The following ARL6IP4 variants were observed in gnomAD, a reference collection of about 807,000 sequenced individuals.
The protein encoded by ARL6IP4 is ARF like GTPase 6 interacting protein 4, also known as ADP-ribosylation factor-like protein 6-interacting protein 4.
ARL6IP4 carries 24 observed loss-of-function variants against 28.1 expected under a neutral mutation model. The ratio of observed to expected loss-of-function variants is 0.86; its 90% CI spans 0.62 to 1.20. The LOEUF (loss-of-function observed/expected upper bound fraction) is 1.20, where lower values mean the gene tolerates loss of function less well. ARL6IP4 is among the 50% of genes most tolerant of loss of function. The pLI is 0.00. For synonymous variants in ARL6IP4, 162 were observed against 122.3 expected, an observed-to-expected ratio of 1.32 and a Z score of -2.14; for missense variants, 343 against 302.4, an observed-to-expected ratio of 1.13 and a Z score of -1.00.
At chr12:122,982,565 C>T (rs762283391) in intron 5 of ARL6IP4, 27 bp downstream of exon 5, 1 of 1,614,082 alleles carries the variant, frequency 6.2e-7, no homozygotes, top group Non-Finnish European at 8.5e-7. Context: ...TGCCTGCCAT[C>T]CGCCCCCAGC....
intron 4 of ARL6IP4, 114 bp from the exon 5 acceptor site, chr12:122,982,355 C>G: frequency 9.2e-7 from 1 of 1,091,618 alleles, no homozygotes; most frequent in Non-Finnish European, 1.3e-6. Context: ...TCTGTCCACT[C>G]AAGGCTGCGG....
chr12:122,981,665 C>T lies in ARL6IP4; in HGVS notation c.255C>T (p.Ser85=). The change falls in exon 3 of 6, where the codon AGC becomes AGT. Residue 85 remains serine (S), a synonymous_variant. Coordinates refer to ENST00000315580, the MANE Select transcript of ARL6IP4 (RefSeq NM_018694.4). The part of the protein sequence containing the change: ...SSSSSSSSSS[S]SSSSSSSSSS... ...CCTCCTCTTCTTCCAGTTCTTCTAG[C>T]TCCTCTTCTTCCTCCTCGTCCTCCT... 2 of 1,555,666 alleles carry T rather than the reference C, an allele frequency of 1.3e-6. No homozygotes were observed. The highest frequency in any genetic ancestry group is 1.7e-6 in the Non-Finnish European group (2 of 1,149,696).
upstream of ARL6IP4, chr12:122,980,670 C>T (rs1276043312): frequency 9.6e-6 from 13 of 1,358,606 alleles, no homozygotes; most frequent in Non-Finnish European, 8.5e-6. Context: ...CGCAGCGCCC[C>T]GGCCGGAAGC....
Position 122,981,192 on chromosome 12 carries a change from G to C in ARL6IP4, c.53G>C (p.Gly18Ala). 1 of 1,549,894 alleles carries C rather than the reference G, an allele frequency of 6.5e-7. No individual in the cohort carries two copies. The highest frequency in any genetic ancestry group is 8.7e-7 in the Non-Finnish European group (1 of 1,146,740). The change falls in exon 2 of 6, where the codon GGA becomes GCA. Residue 18 changes from glycine (G) to alanine (A), a missense_variant. Transcript: ENST00000315580. ...KRSRSRSRSR[G>A]RGSEKRKKKS... is the part of the protein sequence containing the mutation. ...TCGAGGAGTCGCAGCCGGTCCCGGG[G>C]ACGGGGGTCGGAAAAGAGAAAGAAG... is the stretch of plus-strand genomic sequence containing the variant.
Position 122,981,504 on chromosome 12 carries a change from C to G in ARL6IP4, c.161-67C>G, listed in dbSNP as rs548274161. 5.6e-6 allele frequency: 8 copies of G among 1,440,486 alleles called. No homozygotes were observed. The East Asian group carries it at 1.2e-4, about 22-fold the overall frequency. The allele number at this position is 1,440,486 out of a possible 1,614,324, so 89.2% of individuals were successfully genotyped here. Reference sequence around the variant, plus strand: ...CCTCAGGAAGCGCTCACCCTGTAGCCGGTCTGTGCCTGCCCCAGGCCAGAG... The same window carrying G: ...CCTCAGGAAGCGCTCACCCTGTAGCGGGTCTGTGCCTGCCCCAGGCCAGAG... On this transcript the variant is annotated intron_variant, in intron 2 of 5. Coordinates refer to ENST00000315580, the MANE Select transcript of ARL6IP4 (RefSeq NM_018694.4).
chr12:122,981,516 GC>G, intron 2 of ARL6IP4, 54 bp from the exon 3 acceptor site: 2 of 1,466,658 alleles, frequency 1.4e-6, no homozygotes, highest in East Asian at 2.4e-5. Flanking sequence ...GTCTGTGCCT[GC>G]CCCAGGCCAG....
intron 1 of ARL6IP4, 48 bp downstream of exon 1, chr12:122,980,793 G>A (rs2037609907): frequency 7.7e-7 from 1 of 1,303,396 alleles, no homozygotes; most frequent in Admixed American, 4.2e-5. Flanking sequence ...GCGAGGCCGC[G>A]AAGGGCGCGG....
chr12:122,980,528 C>G, upstream of ARL6IP4: 2 of 1,370,188 alleles, frequency 1.5e-6, no homozygotes, highest in Non-Finnish European at 1.9e-6. Context: ...CAGACACAGG[C>G]GTGAGGGGCT....
chr12:122,981,478 C>T (rs1015687259), intron 2 of ARL6IP4, 93 bp from the exon 3 acceptor site: 74 of 1,403,386 alleles, frequency 5.3e-5, no homozygotes, highest in South Asian at 1.9e-4. Context: ...TCTGGAAAGC[C>T]CCTCAGGAAG....
chr12:122,981,003 T>A, intron 1 of ARL6IP4, 126 bp from the exon 2 acceptor site: 2 of 1,405,758 alleles, frequency 1.4e-6, no homozygotes, highest in South Asian at 3.1e-5. Flanking sequence ...TGAGGGTCGC[T>A]CATTTTCCCG....
At chr12:122,981,356 C>G in intron 2 of ARL6IP4, 57 bp downstream of exon 2, 1 of 1,505,740 alleles carries the variant, frequency 6.6e-7, no homozygotes, top group Non-Finnish European at 8.9e-7. Flanking sequence ...GGAAGTCGGG[C>G]GAGCAGTGGT....
Position 122,980,728 on chromosome 12 carries a change from G to A in ARL6IP4, c.-29G>A. Reference sequence around the variant, plus strand: ...GAGAAGGCGCGGGGCGGGCTGTCCGGCCCGCAGGGCGGTCGAGGTGGGAAC... The same window carrying A: ...GAGAAGGCGCGGGGCGGGCTGTCCGACCCGCAGGGCGGTCGAGGTGGGAAC... On this transcript the variant is annotated 5_prime_UTR_variant, in exon 1 of 6. Transcript: ENST00000315580. 7.6e-7 allele frequency: 1 copy of A among 1,322,714 alleles called. No individual in the cohort carries two copies. Among genetic ancestry groups the A allele is most frequent in the Non-Finnish European group, 9.6e-7 (1 of 1,040,842 alleles). 81.9% of individuals were successfully genotyped at this position (1,322,714 alleles called of 1,614,324 possible).
At position 122,981,691 on chromosome 12, in the gene ARL6IP4, C is replaced by T. The variant is rs548529193; in HGVS notation, c.281C>T (p.Ser94Phe). The T allele has an allele frequency of 1.9e-5, 30 of 1,553,346 alleles. No homozygotes were observed. In the Middle Eastern group the frequency reaches 6.7e-4, roughly 35 times the overall value. The change falls in exon 3 of 6, where the codon TCC becomes TTC. Residue 94 changes from serine to phenylalanine, a missense_variant. Ser to Phe is a radical substitution (Grantham distance 155, BLOSUM62 -2). Coordinates refer to ENST00000315580, the MANE Select transcript of ARL6IP4 (RefSeq NM_018694.4). ...TCCTCTTCTTCCTCCTCGTCCTCCT[C>T]CTCTTCCTCCAGTGATGGCCGGAAG... ...SSSSSSSSSS[S>F]SSSSDGRKKR...
intron 2 of ARL6IP4, 22 bp downstream of exon 2, chr12:122,981,321 G>T (rs1033278781): frequency 6.5e-7 from 1 of 1,533,318 alleles, no homozygotes; most frequent in Admixed American, 2.1e-5. Flanking sequence ...AGGCATCGGG[G>T]AGAGGAGGCG....
In ARL6IP4 at chr12:122,982,382, C is replaced by G. The variant is rs539967456; in HGVS notation, c.588-87C>G. 4 of 1,322,916 alleles carry G rather than the reference C, an allele frequency of 3.0e-6. No homozygotes were observed. In the South Asian group the frequency reaches 5.2e-5, roughly 17 times the overall value. The allele number at this position is 1,322,916 out of a possible 1,614,324, so 81.9% of individuals were successfully genotyped here. A position where few individuals can be genotyped will look rare whatever the true frequency, so the allele number is the denominator to read the frequency against. ...AGGCTGCGGGGTGGGAGCCCTGGGA[C>G]CCCTCTGCCGGCTGCTTGTGGTTCT... is the stretch of plus-strand genomic sequence containing the variant. On this transcript the variant is annotated intron_variant, in intron 4 of 5. Coordinates refer to ENST00000315580, the MANE Select transcript of ARL6IP4 (RefSeq NM_018694.4).
chr12:122,982,210 T>C (rs1485556530), intron 4 of ARL6IP4, 136 bp downstream of exon 4: 3 of 1,019,874 alleles, frequency 2.9e-6, no homozygotes, highest in Admixed American at 3.8e-5. Context: ...ATACGGTCAC[T>C]TGGAGTAAGT....
At chr12:122,980,983 T>TG in intron 1 of ARL6IP4, 146 bp from the exon 2 acceptor site, 1 of 1,360,868 alleles carries the variant, frequency 7.3e-7, no homozygotes, top group Non-Finnish European at 9.5e-7. Flanking sequence ...TCCCCAGCGC[T>TG]GGGGGTGGGT....
In ARL6IP4 at chr12:122,981,191, G is replaced by C. The variant is rs2037630003; in HGVS notation, c.52G>C (p.Gly18Arg). 6.5e-7 allele frequency: 1 copy of C among 1,549,850 alleles called. No individual in the cohort carries two copies. Among genetic ancestry groups the C allele is most frequent in the Non-Finnish European group, 8.7e-7 (1 of 1,146,726 alleles). ...CTCGAGGAGTCGCAGCCGGTCCCGGGGACGGGGGTCGGAAAAGAGAAAGAA... is the reference window on the plus strand; with the variant it reads ...CTCGAGGAGTCGCAGCCGGTCCCGGCGACGGGGGTCGGAAAAGAGAAAGAA... ...KRSRSRSRSRGRGSEKRKKKS... is the reference protein window; with the variant it reads ...KRSRSRSRSRRRGSEKRKKKS... Residue 18 changes from glycine (G) to arginine (R), a missense_variant, in exon 2 of 6, where the codon GGA becomes CGA. Physicochemically the swap from Gly to Arg is moderately radical, Grantham distance 125 (BLOSUM62 -2). Coordinates refer to ENST00000315580, the MANE Select transcript of ARL6IP4 (RefSeq NM_018694.4).
rs1594105390 is a variant in ARL6IP4 at position 122,981,153 on chromosome 12, G to GCT, written c.16_17dup (p.Arg7ProfsTer116). 1 of 1,548,970 alleles carries GCT rather than the reference G, an allele frequency of 6.5e-7. No homozygotes were observed. Reference sequence around the variant, plus strand: ...GCCCGCGGCGCCATGGCTCACGTCGGCTCCCGCAAGCGCTCGAGGAGTCGC... The same window carrying GCT: ...GCCCGCGGCGCCATGGCTCACGTCGGCTCTCCCGCAAGCGCTCGAGGAGTCGC... On this transcript the variant is annotated frameshift_variant, in exon 2 of 6. Coordinates refer to ENST00000315580, the MANE Select transcript of ARL6IP4 (RefSeq NM_018694.4). LOFTEE classifies it high-confidence loss of function.
Sources: gnomAD v4.1 joint callset for allele counts on GRCh38, gnomAD v4.1.1 for gene constraint, MANE v1.5 for transcripts, NCBI Gene and HGNC (gene_info 2026-07-23, HGNC 2026-07-21) for gene names.